Variants in HIVEP3 observed in about 807,000 individuals in gnomAD.
The protein encoded by HIVEP3 is HIVEP zinc finger 3.
HIVEP3 carries 49 observed loss-of-function variants against 152.8 expected under a neutral mutation model. The observed-to-expected ratio is 0.32, with a 90% confidence interval of 0.26 to 0.41. The LOEUF is 0.41. Among genes scored for constraint, HIVEP3 ranks in the 10% least tolerant of loss-of-function variants. HIVEP3 has a pLI of 1.00. For synonymous variants in HIVEP3, 1,269 were observed against 1,289.0 expected (o/e 0.98, Z 0.33); for missense variants, 2,790 against 3,103.3 (o/e 0.90, Z 2.40).
chr1:42,009,755 G>A (rs1407328963), intron 1 of HIVEP3, among the ~76,000 whole-genome samples: 1 of 152,090 alleles, frequency 6.6e-6, no homozygotes, highest in Non-Finnish European at 1.5e-5. Context: ...TTAGCTCAGA[G>A]AAAAATTATT....
At chr1:41,894,120 T>A (rs1364559067) in intron 1 of HIVEP3, among the ~76,000 whole-genome samples, 1 of 151,974 alleles carries the variant, frequency 6.6e-6, no homozygotes, top group Non-Finnish European at 1.5e-5. Flanking sequence ...ATGCCCAGCC[T>A]ATTTTATATA....
chr1:41,535,941 CTGG>C (rs1275585798), intron 5 of HIVEP3: 1 of 151,922 alleles, frequency 6.6e-6, no homozygotes, highest in East Asian at 1.9e-4. Context: ...ATCCCCATGG[CTGG>C]TGATACTGAG....
intron 5 of HIVEP3, among the ~76,000 whole-genome samples, chr1:41,570,718 G>A (rs1396718853): frequency 6.6e-6 from 1 of 152,182 alleles, no homozygotes; most frequent in African/African-American, 2.4e-5. Context: ...GCTGCCGATG[G>A]CTCAGGAAAG....
intron 1 of HIVEP3, among the ~76,000 whole-genome samples, chr1:41,853,322 G>T (rs938231716): frequency 6.6e-6 from 1 of 152,176 alleles, no homozygotes; most frequent in Admixed American, 6.5e-5. Context: ...AAGGAAAGAG[G>T]TTTAATTGAC....
intron 1 of HIVEP3, among the ~76,000 whole-genome samples, chr1:42,004,232 G>C (rs1645445454): frequency 2.0e-5 from 3 of 152,208 alleles, no homozygotes; most frequent in Non-Finnish European, 4.4e-5. Context: ...GTTCAAAACA[G>C]GTAGAGCCCA....
intron 1 of HIVEP3, among the ~76,000 whole-genome samples, chr1:41,758,255 A>G (rs1647446481): frequency 6.6e-6 from 1 of 152,058 alleles, no homozygotes; most frequent in Admixed American, 6.5e-5. Flanking sequence ...GAGAACCCTC[A>G]TAAGAGATCT....
chr1:41,643,906 T>TTTTTTTTTTG (rs1553242264), intron 2 of HIVEP3, among the ~76,000 whole-genome samples: 4 of 143,702 alleles, frequency 2.8e-5, no homozygotes, highest in Admixed American at 7.2e-5. Flanking sequence ...TTTTTTTTTT[T>TTTTTTTTTTG]GACAGGGTCT....
At chr1:41,813,495 AC>A in intron 1 of HIVEP3, among the ~76,000 whole-genome samples, 1 of 152,166 alleles carries the variant, frequency 6.6e-6, no homozygotes, top group Non-Finnish European at 1.5e-5. Flanking sequence ...GCACCCACAT[AC>A]CGCCTTGCAA....
At chr1:41,921,981 T>C (rs573781207), upstream of HIVEP3, among the ~76,000 whole-genome samples, 1 of 151,978 alleles carries the variant, frequency 6.6e-6, no homozygotes, top group East Asian at 1.9e-4. Context: ...AGATAAAATA[T>C]AAGATATAAC....
intron 1 of HIVEP3, among the ~76,000 whole-genome samples, chr1:41,705,378 C>T (rs1314967814): frequency 1.3e-5 from 2 of 152,220 alleles, no homozygotes; most frequent in Non-Finnish European, 2.9e-5. Flanking sequence ...GCCCTACCAG[C>T]CTGTGCCATC....
chr1:41,842,596 G>A (rs926157366), intron 1 of HIVEP3, among the ~76,000 whole-genome samples: 2 of 152,138 alleles, frequency 1.3e-5, no homozygotes, highest in Non-Finnish European at 2.9e-5. Flanking sequence ...TGAGATAACA[G>A]AATGCTAGCT....
rs74989112 is a variant in HIVEP3, at chr1:41,563,840, A to G, written c.5207+11704T>C. Among the ~76,000 whole-genome samples the G allele has an allele frequency of 1.2e-3, 185 of 152,352 alleles. 1 individual carries two copies. The highest frequency in any genetic ancestry group is 3.9e-3 in the African/African-American group (163 of 41,580). Reference sequence around the variant, plus strand: ...AACTAACGTTAATAGCCTTAGAGAGATAAGATAGTAGAGTCTATCAAACAA... The same window carrying G: ...AACTAACGTTAATAGCCTTAGAGAGGTAAGATAGTAGAGTCTATCAAACAA... On this transcript the variant is annotated intron_variant, in intron 5 of 8. Transcript: ENST00000372583.
At chr1:42,006,575 A>C (rs1487481442) in intron 1 of HIVEP3, among the ~76,000 whole-genome samples, 1 of 151,980 alleles carries the variant, frequency 6.6e-6, no homozygotes, top group Non-Finnish European at 1.5e-5. Flanking sequence ...GCCAAAAAAA[A>C]AAAAAAAAAA....
chr1:42,024,865 C>A (rs1025042806), intron 1 of HIVEP3, among the ~76,000 whole-genome samples: 1 of 152,166 alleles, frequency 6.6e-6, no homozygotes, highest in Non-Finnish European at 1.5e-5. Context: ...TTGAAAGGTA[C>A]TTTGTGCATA....
At chr1:41,545,545 CCAT>C (rs1569852692) in intron 5 of HIVEP3, among the ~76,000 whole-genome samples, 7 of 141,102 alleles carry the variant, frequency 5.0e-5, no homozygotes, top group Admixed American at 6.9e-5. Flanking sequence ...ACCACCACCA[CCAT>C]CACCATCACT....
rs1201490242 is a variant in HIVEP3, at chr1:41,510,559, G to T, written c.7113C>A (p.Asn2371Lys). 6.4e-7 allele frequency: 1 copy of T among 1,570,032 alleles called. No homozygotes were observed. The highest frequency in any genetic ancestry group is 8.6e-7 in the Non-Finnish European group (1 of 1,157,582). The change falls in exon 9 of 9, where the codon AAC becomes AAA. Residue 2371 changes from asparagine (N) to lysine (K), a missense_variant. Physicochemically the swap from Asn to Lys is moderately conservative, Grantham distance 94. This residue lies in a region of HIVEP3 where 816 missense variants were observed against 806.5 expected (regional missense o/e 1.01). Transcript: ENST00000372583. The part of the protein sequence containing the change: ...ASARFPARTR[N>K]LSGEPRTRQD... Reference sequence around the variant, plus strand: ...GCCTGGTCCTGGGTTCCCCGGAGAGGTTCCTCGTCCGGGCTGGGAAGCGGG... The same window carrying T: ...GCCTGGTCCTGGGTTCCCCGGAGAGTTTCCTCGTCCGGGCTGGGAAGCGGG...
intron 1 of HIVEP3, among the ~76,000 whole-genome samples, chr1:41,880,953 G>A (rs959543020): frequency 2.4e-4 from 37 of 152,208 alleles, no homozygotes; most frequent in African/African-American, 8.4e-4. Flanking sequence ...AGTTAACTAT[G>A]TCTAGTTCTA....
intron 1 of HIVEP3, among the ~76,000 whole-genome samples, chr1:41,857,995 C>CTCTCTCTCTCTCTG (rs1643816744): frequency 6.6e-6 from 1 of 152,044 alleles, no homozygotes; most frequent in Non-Finnish European, 1.5e-5. Flanking sequence ...CTCTCTCTCT[C>CTCTCTCTCTCTCTG]TCTCTCTCAC....
intron 1 of HIVEP3, among the ~76,000 whole-genome samples, chr1:41,975,942 A>T (rs1467378110): frequency 6.6e-6 from 1 of 152,218 alleles, no homozygotes; most frequent in Non-Finnish European, 1.5e-5. Context: ...TCACGAGTAG[A>T]AGAACACCCA....
Sources: gnomAD v4.1 joint callset for allele counts (sites outside exome capture counted in the v4.1 genomes callset) on GRCh38, gnomAD v4.1.1 for gene constraint, gnomAD v4.1.1 regional missense constraint, MANE v1.5 for transcripts, NCBI Gene and HGNC (gene_info 2026-07-23, HGNC 2026-07-21) for gene names.